RNF130: variants seen among roughly 807,000 people sequenced by gnomAD.
RNF130 encodes E3 ubiquitin-protein ligase RNF130.
Under a neutral mutation model 44.6 loss-of-function variants are expected in RNF130, and 21 were observed. That is an observed-to-expected ratio of 0.47 (90% CI 0.33 to 0.68). The LOEUF is 0.68. RNF130 is among the 30% of genes least tolerant of loss of function. The pLI is 0.02. For missense variants in RNF130, 479 were observed against 560.6 expected, an observed-to-expected ratio of 0.85 and a Z score of 1.47; for synonymous variants, 214 against 210.4, an observed-to-expected ratio of 1.02 and a Z score of -0.15.
At chr5:180,049,909 C>G (rs558694037) in intron 1 of RNF130, among the ~76,000 whole-genome samples, 5 of 151,884 alleles carry the variant, frequency 3.3e-5, no homozygotes, top group Non-Finnish European at 7.4e-5. Flanking sequence ...TTTTTAGTGC[C>G]TACCCTTAAA....
At chr5:179,962,827 A>G (rs1276604353) in intron 8 of RNF130, among the ~76,000 whole-genome samples, 2 of 152,012 alleles carry the variant, frequency 1.3e-5, no homozygotes, top group African/African-American at 4.8e-5. Flanking sequence ...CCCTACAGCA[A>G]ACCATCCCGC....
chr5:179,941,253 G>C (rs1761966179), intron 7 of RNF130, among the ~76,000 whole-genome samples: 1 of 152,228 alleles, frequency 6.6e-6, no homozygotes, highest in African/African-American at 2.4e-5. Context: ...ACAAGAAACA[G>C]AGATAATTTG....
chr5:179,920,796 T>TATA (rs200144083), intron 7 of RNF130, among the ~76,000 whole-genome samples: 257 of 108,706 alleles, frequency 2.4e-3, no homozygotes, highest in Admixed American at 4.2e-3. Flanking sequence ...TATATATATA[T>TATA]TTTTTTTTTT....
chr5:179,940,688 G>GT (rs957203081), intron 7 of RNF130, among the ~76,000 whole-genome samples: 63 of 149,280 alleles, frequency 4.2e-4, no homozygotes, highest in Middle Eastern at 3.4e-3. Context: ...TCTTGGTGTG[G>GT]TTTTTTTTTC....
intron 3 of RNF130, among the ~76,000 whole-genome samples, chr5:179,983,749 A>G (rs1762894675): frequency 6.6e-6 from 1 of 152,236 alleles, no homozygotes. Context: ...TCTTAACAAC[A>G]TTAAGTCTTC....
chr5:180,057,204 G>A (rs1446807879), intron 1 of RNF130, among the ~76,000 whole-genome samples: 2 of 152,204 alleles, frequency 1.3e-5, no homozygotes, highest in African/African-American at 4.8e-5. Context: ...CTGGGGAGGG[G>A]CAAGGGGCTA....
At chr5:179,980,073 C>A (rs1762798714) in intron 4 of RNF130, 56 bp downstream of exon 4, 4 of 1,529,180 alleles carry the variant, frequency 2.6e-6, no homozygotes, top group Middle Eastern at 1.7e-4. Flanking sequence ...TCCCACCAAA[C>A]AAAAACAAAA....
chr5:180,017,025 T>C (rs1050916670), intron 2 of RNF130, among the ~76,000 whole-genome samples: 2 of 152,200 alleles, frequency 1.3e-5, no homozygotes, highest in Non-Finnish European at 2.9e-5. Context: ...TTTAACTTGT[T>C]TAGTTTTGTG....
intron 7 of RNF130, among the ~76,000 whole-genome samples, chr5:179,944,296 G>C (rs935546634): frequency 2.0e-5 from 3 of 152,038 alleles, no homozygotes; most frequent in Non-Finnish European, 4.4e-5. Context: ...TAAGTCCTAA[G>C]TGTTCAGTGC....
chr5:179,916,664 G>A (rs978974686), exon 8 of RNF130: 2 of 152,300 alleles, frequency 1.3e-5, no homozygotes, highest in African/African-American at 4.8e-5. Flanking sequence ...GGGGAGCTGG[G>A]GCCTCTCTGC....
chr5:179,929,865 C>T (rs557952981), intron 7 of RNF130, among the ~76,000 whole-genome samples: 5 of 152,124 alleles, frequency 3.3e-5, no homozygotes, highest in African/African-American at 1.2e-4. Flanking sequence ...AGAGCTAACA[C>T]CTCCATAGTA....
At chr5:179,955,892 G>C (rs1325758698) in intron 8 of RNF130, among the ~76,000 whole-genome samples, 1 of 152,150 alleles carries the variant, frequency 6.6e-6, no homozygotes, top group Non-Finnish European at 1.5e-5. Context: ...ACTCCCAAAA[G>C]GATGAAGGAA....
intron 3 of RNF130, among the ~76,000 whole-genome samples, chr5:179,986,314 C>G (rs1406506571): frequency 6.6e-6 from 1 of 152,182 alleles, no homozygotes; most frequent in Non-Finnish European, 1.5e-5. Context: ...AGCTGAAGAC[C>G]TCTATCTATG....
chr5:180,063,747 T>C (rs1406923316), intron 1 of RNF130, among the ~76,000 whole-genome samples: 5 of 152,208 alleles, frequency 3.3e-5, no homozygotes, highest in African/African-American at 1.2e-4. Flanking sequence ...ACCTAAGACT[T>C]TTCCCAGCAA....
intron 2 of RNF130, among the ~76,000 whole-genome samples, chr5:180,020,866 G>A (rs752837113): frequency 3.3e-5 from 5 of 152,056 alleles, no homozygotes; most frequent in Non-Finnish European, 7.4e-5. Context: ...GAATTTCCAG[G>A]GGTTGCCAAC....
At chr5:180,031,791 T>C (rs371539369) in intron 2 of RNF130, among the ~76,000 whole-genome samples, 20 of 152,206 alleles carry the variant, frequency 1.3e-4, no homozygotes, top group African/African-American at 4.3e-4. Flanking sequence ...CTGGGTCATA[T>C]GGTATTTTTA....
chr5:179,956,071 T>A (rs1432767174), intron 8 of RNF130: 1 of 163,132 alleles, frequency 6.1e-6, no homozygotes, highest in Non-Finnish European at 1.3e-5. Flanking sequence ...TCCTCACTTA[T>A]TTTGAAGTGA....
chr5:180,013,370 A>C (rs771766349), intron 2 of RNF130, 59 bp from the exon 3 acceptor site: 21 of 1,424,188 alleles, frequency 1.5e-5, no homozygotes, highest in South Asian at 4.0e-5. Context: ...GAAACATCAA[A>C]TGTATCAACA....
chr5:179,980,120 T>A lies in RNF130; in HGVS notation c.765+9A>T. ...CTTTTACGGTGCTGAAGTTGTTTCA[T>A]GACTGTACCTTGTCACCCTTCTTTA... is the stretch of plus-strand genomic sequence containing the variant. On this transcript the variant is annotated intron_variant, in intron 4 of 8. Transcript: ENST00000521389. 6.2e-7 allele frequency: 1 copy of A among 1,613,646 alleles called. No individual in the cohort carries two copies. The highest frequency in any genetic ancestry group is 2.2e-5 in the East Asian group (1 of 44,870).
Sources: allele counts gnomAD v4.1 joint callset (sites outside exome capture counted in the v4.1 genomes callset), GRCh38; gene constraint gnomAD v4.1.1; transcripts MANE v1.5; gene names NCBI Gene and HGNC (gene_info 2026-07-23, HGNC 2026-07-21).